ABTB2: variants seen among roughly 807,000 people sequenced by gnomAD.
The protein encoded by ABTB2 is ankyrin repeat and BTB/POZ domain-containing protein 2.
A neutral mutation model predicts 104.1 loss-of-function variants in ABTB2; 56 were observed. The ratio of observed to expected loss-of-function variants is 0.54; its 90% CI spans 0.43 to 0.67. The LOEUF (loss-of-function observed/expected upper bound fraction) is 0.67, where lower values mean the gene tolerates loss of function less well. Among genes scored for constraint, ABTB2 ranks in the 30% least tolerant of loss-of-function variants. The probability of loss-of-function intolerance (pLI) is 0.00; values close to 1 mark genes in which losing one functional copy is unlikely to be tolerated. For missense variants in ABTB2, 1,279 were observed against 1,407.7 expected (o/e 0.91, Z 1.46); for synonymous variants, 606 against 608.2 (o/e 1.00, Z 0.05).
intron 1 of ABTB2, among the ~76,000 whole-genome samples, chr11:34,355,914 G>T (rs1855460182): frequency 6.6e-6 from 1 of 152,184 alleles, no homozygotes; most frequent in South Asian, 2.1e-4. Flanking sequence ...ACCCCATGCG[G>T]TTACCTATCT....
chr11:34,246,601 CAAAAAAAA>C (rs60681759), intron 1 of ABTB2, among the ~76,000 whole-genome samples: 5 of 34,768 alleles, frequency 1.4e-4, no homozygotes, highest in Non-Finnish European at 1.9e-4. Context: ...AACTCCATCT[CAAAAAAAA>C]AAAAAAAAAA....
At chr11:34,297,498 A>C (rs1854635403) in intron 1 of ABTB2, among the ~76,000 whole-genome samples, 1 of 152,040 alleles carries the variant, frequency 6.6e-6, no homozygotes, top group Non-Finnish European at 1.5e-5. Flanking sequence ...TCCCCTCCAA[A>C]ATTCAGGTGT....
intron 3 of ABTB2, among the ~76,000 whole-genome samples, chr11:34,178,823 C>T (rs1267561153): frequency 2.0e-5 from 3 of 152,174 alleles, no homozygotes; most frequent in Admixed American, 2.0e-4. Flanking sequence ...CACTTGTAAT[C>T]CCAGCACTTT....
intron 1 of ABTB2, among the ~76,000 whole-genome samples, chr11:34,354,020 G>GC (rs1215489601): frequency 6.6e-6 from 1 of 152,170 alleles, no homozygotes; most frequent in Non-Finnish European, 1.5e-5. Context: ...GTAATTCATT[G>GC]CCCCTCTACT....
At chr11:34,196,350 G>A (rs1049426283) in intron 3 of ABTB2, among the ~76,000 whole-genome samples, 4 of 152,116 alleles carry the variant, frequency 2.6e-5, no homozygotes, top group Non-Finnish European at 2.9e-5. Flanking sequence ...TCAGGAGATC[G>A]AGACCATCCT....
At chr11:34,281,266 C>T (rs1229221592) in intron 1 of ABTB2, among the ~76,000 whole-genome samples, 2 of 152,212 alleles carry the variant, frequency 1.3e-5, no homozygotes, top group Non-Finnish European at 2.9e-5. Context: ...ATCCTGATTC[C>T]GCTATCTGCT....
Position 34,151,524 on chromosome 11 carries a change from C to T in ABTB2, c.*863G>A, listed in dbSNP as rs1461609176. On this transcript the variant is annotated 3_prime_UTR_variant, in exon 17 of 17. Transcript: ENST00000435224. Reference sequence around the variant, plus strand: ...TGACCAGGGGACTCTGCTTCATCGCCCCCACAAAGGCAACCTAGTCTAGGC... The same window carrying T: ...TGACCAGGGGACTCTGCTTCATCGCTCCCACAAAGGCAACCTAGTCTAGGC... 4 of 152,368 alleles carry T rather than the reference C, an allele frequency of 2.6e-5. No homozygotes were observed. The highest frequency in any genetic ancestry group is 9.6e-5 in the African/African-American group (4 of 41,574). 9.4% of individuals were successfully genotyped at this position (152,368 alleles called of 1,614,324 possible). A position where few individuals can be genotyped will look rare whatever the true frequency, so the allele number is the denominator to read the frequency against.
chr11:34,207,346 G>A (rs1853421745), intron 1 of ABTB2, among the ~76,000 whole-genome samples: 1 of 152,224 alleles, frequency 6.6e-6, no homozygotes, highest in South Asian at 2.1e-4. Context: ...AGTAACAGGA[G>A]CTGTCAGCTC....
At chr11:34,192,822 G>A (rs897612217) in intron 3 of ABTB2, among the ~76,000 whole-genome samples, 1 of 152,226 alleles carries the variant, frequency 6.6e-6, no homozygotes, top group Non-Finnish European at 1.5e-5. Flanking sequence ...GTTCTGATGT[G>A]GAGAAATGGT....
chr11:34,343,251 G>A (rs1855284970), intron 1 of ABTB2, among the ~76,000 whole-genome samples: 1 of 152,146 alleles, frequency 6.6e-6, no homozygotes, highest in South Asian at 2.1e-4. Flanking sequence ...AAGCTGCTGT[G>A]GCTGTGAAAT....
At chr11:34,185,712 C>T (rs563331984) in intron 3 of ABTB2, among the ~76,000 whole-genome samples, 1 of 152,096 alleles carries the variant, frequency 6.6e-6, no homozygotes, top group East Asian at 1.9e-4. Flanking sequence ...TCAACAGGTA[C>T]AAAGTTGTAG....
chr11:34,320,676 G>A (rs1443526733), intron 1 of ABTB2, among the ~76,000 whole-genome samples: 2 of 152,182 alleles, frequency 1.3e-5, no homozygotes, highest in Non-Finnish European at 2.9e-5. Context: ...TATGGGTGTC[G>A]TGTGTCCACA....
chr11:34,328,191 C>G (rs1190906147), intron 1 of ABTB2, among the ~76,000 whole-genome samples: 1 of 152,220 alleles, frequency 6.6e-6, no homozygotes, highest in African/African-American at 2.4e-5. Flanking sequence ...AGTATCCCCC[C>G]TTCTGGAAAG....
In ABTB2 at chr11:34,160,985, C is replaced by G. The variant is rs372294847; in HGVS notation, c.2315G>C (p.Ser772Thr). 2.7e-5 allele frequency: 44 copies of G among 1,613,836 alleles called. No homozygotes were observed. Among genetic ancestry groups the G allele is most frequent in the Non-Finnish European group, 3.5e-5 (41 of 1,179,920 alleles). ...GTTGTACTCCTCCTCTCTGATGGAG[C>G]TGAAGTCCCGCAGGAGGCTCTGCAC... ...SVVQSLLRDF[S>T]SIREEEYNEE... Residue 772 changes from serine (S) to threonine (T), a missense_variant, in exon 11 of 17, where the codon AGC (serine) becomes ACC (threonine). Coordinates refer to ENST00000435224, the MANE Select transcript of ABTB2 (RefSeq NM_145804.3).
intron 1 of ABTB2, among the ~76,000 whole-genome samples, chr11:34,355,480 C>T (rs1238695572): frequency 2.0e-5 from 3 of 152,154 alleles, no homozygotes; most frequent in Non-Finnish European, 4.4e-5. Flanking sequence ...GCAGTAAGTA[C>T]CTACCTAATA....
At chr11:34,340,068 A>AAACAAAC in intron 1 of ABTB2, among the ~76,000 whole-genome samples, 1 of 120,926 alleles carries the variant, frequency 8.3e-6, no homozygotes. Flanking sequence ...AACAAACAAA[A>AAACAAAC]ACAAAAAAAG....
At chr11:34,263,908 A>C (rs1247979875) in intron 1 of ABTB2, among the ~76,000 whole-genome samples, 1 of 152,180 alleles carries the variant, frequency 6.6e-6, no homozygotes, top group Non-Finnish European at 1.5e-5. Flanking sequence ...GGGAGGGAGA[A>C]CATAAACCCA....
At chr11:34,273,393 G>C (rs748171348) in intron 1 of ABTB2, among the ~76,000 whole-genome samples, 8 of 152,194 alleles carry the variant, frequency 5.3e-5, no homozygotes, top group Non-Finnish European at 1.2e-4. Flanking sequence ...GGGGAACCTC[G>C]ACCGACTCCA....
chr11:34,336,756 C>T (rs1290080957), intron 1 of ABTB2, among the ~76,000 whole-genome samples: 1 of 152,134 alleles, frequency 6.6e-6, no homozygotes, highest in Non-Finnish European at 1.5e-5. Flanking sequence ...TTAATGCTTG[C>T]ATATGGGTGG....
Sources: allele counts gnomAD v4.1 joint callset (sites outside exome capture counted in the v4.1 genomes callset), GRCh38; gene constraint gnomAD v4.1.1; transcripts MANE v1.5; gene names NCBI Gene and HGNC (gene_info 2026-07-23, HGNC 2026-07-21).